The following RGS17 variants were observed in gnomAD, a reference collection of about 807,000 sequenced individuals.
The protein encoded by RGS17 is regulator of G-protein signaling 17.
RGS17 carries 12 observed loss-of-function variants against 25.5 expected under a neutral mutation model. The ratio of observed to expected loss-of-function variants is 0.47; its 90% confidence interval spans 0.30 to 0.76. The LOEUF is 0.76. Ranked by LOEUF, RGS17 falls within the 30% of genes least tolerant of loss-of-function variation. The pLI, the probability that RGS17 is intolerant of heterozygous loss-of-function variation, is 0.07. For synonymous variants in RGS17, 71 were observed against 76.9 expected (o/e 0.92, Z 0.40); for missense variants, 196 against 242.2 (o/e 0.81, Z 1.27).
chr6:153,128,537 C>T (rs909029865), intron 1 of RGS17, among the ~76,000 whole-genome samples: 3 of 152,140 alleles, frequency 2.0e-5, no homozygotes. Context: ...AAGGTAAAAT[C>T]TTTCTTAGAC....
chr6:153,127,113 G>A (rs374216627), intron 1 of RGS17, among the ~76,000 whole-genome samples: 5 of 152,052 alleles, frequency 3.3e-5, no homozygotes, highest in African/African-American at 4.8e-5. Flanking sequence ...CCTTGCATGC[G>A]CAGCTCACAA....
At chr6:153,025,657 A>AAACATATATATATAAACATATATAT in intron 3 of RGS17, among the ~76,000 whole-genome samples, 1 of 140,232 alleles carries the variant, frequency 7.1e-6, no homozygotes, top group African/African-American at 2.7e-5. Flanking sequence ...TATATATATA[A>AAACATATATATATAAACATATATAT]AAACATATAT....
chr6:153,096,404 A>T (rs1022776293), intron 1 of RGS17, among the ~76,000 whole-genome samples: 1 of 152,226 alleles, frequency 6.6e-6, no homozygotes, highest in Non-Finnish European at 1.5e-5. Context: ...ATGCATGTAA[A>T]GTGCTTGGCA....
At chr6:153,020,155 TTTTTTTTTTTTTTTTTG>T (rs1779233651) in intron 4 of RGS17, among the ~76,000 whole-genome samples, 2 of 96,088 alleles carry the variant, frequency 2.1e-5, no homozygotes, top group African/African-American at 9.1e-5. Context: ...TTTTTTTTTT[TTTTTTTTTTTTTTTTTG>T]AGACAGAGTC....
chr6:153,070,908 CAT>C (rs544029211), intron 1 of RGS17, among the ~76,000 whole-genome samples: 175 of 149,516 alleles, frequency 1.2e-3, no homozygotes, highest in African/African-American at 4.0e-3. Flanking sequence ...CGTATATGTA[CAT>C]ATGTGTACAT....
At chr6:153,123,348 T>C (rs978978503) in intron 1 of RGS17, among the ~76,000 whole-genome samples, 6 of 152,164 alleles carry the variant, frequency 3.9e-5, no homozygotes, top group Non-Finnish European at 7.4e-5. Flanking sequence ...ATGACAAGAA[T>C]GTTAAATGTA....
chr6:153,020,079 A>C, intron 4 of RGS17, among the ~76,000 whole-genome samples: 4 of 117,912 alleles, frequency 3.4e-5, no homozygotes, highest in Admixed American at 1.9e-4. Flanking sequence ...AAGTTATGTC[A>C]CCTCCTAATT....
At chr6:153,111,199 A>C (rs1777464885) in intron 1 of RGS17, among the ~76,000 whole-genome samples, 1 of 152,190 alleles carries the variant, frequency 6.6e-6, no homozygotes, top group African/African-American at 2.4e-5. Context: ...CTGGCTTGAA[A>C]TTCTTGCTGC....
chr6:153,074,868 C>T (rs1776855105), intron 1 of RGS17, among the ~76,000 whole-genome samples: 1 of 152,118 alleles, frequency 6.6e-6, no homozygotes. Context: ...GGGAAGAAAA[C>T]TAAAATCCAC....
chr6:153,037,185 C>CACACACACAG (rs1776258393), intron 2 of RGS17, among the ~76,000 whole-genome samples: 1 of 110,750 alleles, frequency 9.0e-6, no homozygotes, highest in South Asian at 3.6e-4. Context: ...CACACACACA[C>CACACACACAG]ACACACACAC....
intron 1 of RGS17, among the ~76,000 whole-genome samples, chr6:153,110,459 T>TACACAC (rs1777452429): frequency 1.3e-5 from 1 of 75,920 alleles, no homozygotes; most frequent in African/African-American, 4.9e-5. Flanking sequence ...CACACACACT[T>TACACAC]CAATATAATA....
rs1357502535 is a variant in RGS17 at position 153,130,706 on chromosome 6, A to T, written c.-26+418T>A. 9.2e-5 allele frequency among the ~76,000 whole-genome samples: 14 copies of T among 151,924 alleles called. No individual in the cohort carries two copies. Among genetic ancestry groups the T allele is most frequent in the Non-Finnish European group, 2.9e-5 (2 of 67,956 alleles). On this transcript the variant is annotated intron_variant, in intron 1 of 4. Transcript: ENST00000206262. The surrounding 1 kb of genome is among the most constrained non-coding windows in gnomAD (Gnocchi z 6.4). ...CCCAACCAACCGCACAAAACCCGCA[A>T]CACCTCGCGTCCCCGCGGGGTCTCC...
chr6:153,119,107 GCTCT>G (rs1288968928), intron 1 of RGS17, among the ~76,000 whole-genome samples: 1 of 152,118 alleles, frequency 6.6e-6, no homozygotes, highest in East Asian at 1.9e-4. Flanking sequence ...AAGCTCACCT[GCTCT>G]CTGCTCTCTC....
chr6:153,024,270 G>C lies in RGS17; in HGVS notation c.436C>G (p.Pro146Ala). 6.2e-7 allele frequency: 1 copy of C among 1,603,512 alleles called. No individual in the cohort carries two copies. The highest frequency in any genetic ancestry group is 8.5e-7 in the Non-Finnish European group (1 of 1,171,532). The change falls in exon 4 of 5, where the codon CCA becomes GCA. Residue 146 changes from proline (P) to alanine (A), a missense_variant. Pro to Ala is a conservative substitution (Grantham distance 27). Coordinates refer to ENST00000206262, the MANE Select transcript of RGS17 (RefSeq NM_012419.5). Reference sequence around the variant, plus strand: ...GTTTTCCAGATTTTTACCTCTTTTGGTGATAGTATAGAAATGTAATCTTCA... The same window carrying C: ...GTTTTCCAGATTTTTACCTCTTTTGCTGATAGTATAGAAATGTAATCTTCA... ...IYEDYISILS[P>A]KEVSLDSRVR...
chr6:153,081,115 T>C (rs1039237268), intron 1 of RGS17, among the ~76,000 whole-genome samples: 4 of 152,140 alleles, frequency 2.6e-5, no homozygotes, highest in African/African-American at 9.6e-5. Context: ...TTCAATTAGA[T>C]TGGCTGACAG....
chr6:153,085,027 T>C (rs1777034213), intron 1 of RGS17, among the ~76,000 whole-genome samples: 1 of 152,230 alleles, frequency 6.6e-6, no homozygotes, highest in African/African-American at 2.4e-5. Flanking sequence ...AGTTTCAGAA[T>C]GCTTTAAAAC....
intron 1 of RGS17, among the ~76,000 whole-genome samples, chr6:153,075,226 A>C (rs1029701261): frequency 1.3e-5 from 2 of 152,204 alleles, no homozygotes; most frequent in African/African-American, 4.8e-5. Context: ...TAAAGGTAGA[A>C]CACCAACTAC....
At chr6:153,014,410 G>A (rs1237313675) in intron 4 of RGS17, among the ~76,000 whole-genome samples, 1 of 152,184 alleles carries the variant, frequency 6.6e-6, no homozygotes. Flanking sequence ...AGATGCACGA[G>A]GAAATTAGTA....
chr6:153,072,038 C>T (rs1231210322), intron 1 of RGS17, among the ~76,000 whole-genome samples: 1 of 152,052 alleles, frequency 6.6e-6, no homozygotes, highest in Non-Finnish European at 1.5e-5. Context: ...TATTTTTATA[C>T]TTTTGTACTT....
Sources: gnomAD v4.1 joint callset for allele counts (sites outside exome capture counted in the v4.1 genomes callset) on GRCh38, gnomAD v4.1.1 for gene constraint, Gnocchi (gnomAD v3.1) non-coding constraint, MANE v1.5 for transcripts, NCBI Gene and HGNC (gene_info 2026-07-23, HGNC 2026-07-21) for gene names.